The following DNAH1 variants were observed in gnomAD, a reference collection of about 807,000 sequenced individuals.
DNAH1 encodes the protein axonemal beta dynein heavy chain 1.
DNAH1 carries 327 observed loss-of-function variants against 484.3 expected under a neutral mutation model. That is an observed-to-expected ratio of 0.68 (90% CI 0.62 to 0.74). The LOEUF (loss-of-function observed/expected upper bound fraction) is 0.74. Among genes scored for constraint, DNAH1 ranks in the 30% least tolerant of loss-of-function variants. The pLI, the probability that DNAH1 is intolerant of heterozygous loss-of-function variation, is 0.00. For synonymous variants in DNAH1, 2,192 were observed against 2,191.9 expected (o/e 1.00, Z 0.00); for missense variants, 5,052 against 5,546.8 (o/e 0.91, Z 2.83).
At position 52,349,417 on chromosome 3, in the gene DNAH1, T is replaced by C. The variant is rs1264744078; in HGVS notation, c.2523T>C (p.Asp841=). 6.2e-7 allele frequency: 1 copy of C among 1,613,572 alleles called. No individual in the cohort carries two copies. The highest frequency in any genetic ancestry group is 1.3e-5 in the African/African-American group (1 of 75,046). ...CCAAGAACCTGCATAAGGAGGTGGA[T>C]AGCGTAAGTGCCCACCTGCCCCGCC... The part of the protein sequence containing the change: ...ILAKNLHKEV[D]SICEEFRSIS... Residue 841 remains aspartate (D), a synonymous_variant, in exon 14 of 78, where the codon GAT becomes GAC. Coordinates refer to ENST00000420323, the MANE Select transcript of DNAH1 (RefSeq NM_015512.5).
Position 52,352,103 on chromosome 3 carries a change from G to C in DNAH1, c.2871G>C (p.Gln957His). The change falls in exon 17 of 78, where the codon CAG becomes CAC. Residue 957 changes from glutamine to histidine, a missense_variant and splice_region_variant. Coordinates refer to ENST00000420323, the MANE Select transcript of DNAH1 (RefSeq NM_015512.5). ...TCCAAGAGAAGCTGGAAGGGCTGCA[G>C]GTGGGGCACAGCTGCAGGCTTGGTG... is the stretch of plus-strand genomic sequence containing the variant. ...NNFQEKLEGL[Q>H]LVVAGFSIHV... 1 of 1,574,532 alleles carries C rather than the reference G, an allele frequency of 6.4e-7. No homozygotes were observed. Among genetic ancestry groups the C allele is most frequent in the African/African-American group, 1.3e-5 (1 of 74,080 alleles).
At chr3:52,329,532 A>C (rs1365687666) in intron 6 of DNAH1, among the ~76,000 whole-genome samples, 6 of 151,896 alleles carry the variant, frequency 4.0e-5, no homozygotes, top group Admixed American at 3.3e-4. Flanking sequence ...CAAACAAAAC[A>C]AAAAAAACCA....
At chr3:52,370,278 C>T in intron 39 of DNAH1, 49 bp downstream of exon 39, 1 of 1,597,156 alleles carries the variant, frequency 6.3e-7, no homozygotes, top group South Asian at 1.1e-5. Context: ...TCTCCCCACA[C>T]TGCTCTCCTT....
At chr3:52,398,747 A>C in intron 75 of DNAH1, 103 bp from the exon 76 acceptor site, 4 of 1,011,364 alleles carry the variant, frequency 4.0e-6, no homozygotes, top group South Asian at 1.8e-5. Context: ...CTTAGCCTCT[A>C]TGTTTTGCCA....
Position 52,358,098 on chromosome 3 carries a change from A to G in DNAH1, c.4086+95A>G. ...TTGTGATGAGCCCTTTTAGCAGGAA[A>G]TGTGGCAAATGACATTCCTGGTCTT... On this transcript the variant is annotated intron_variant, in intron 24 of 77. Coordinates refer to ENST00000420323, the MANE Select transcript of DNAH1 (RefSeq NM_015512.5). This position sits in a 1 kb window ranked among gnomAD's most constrained non-coding sequence, Gnocchi z 4.2. The G allele has an allele frequency of 2.1e-6, 2 of 970,188 alleles. No individual in the cohort carries two copies. The highest frequency in any genetic ancestry group is 3.0e-6 in the Non-Finnish European group (2 of 666,242). The allele number at this position is 970,188 out of a possible 1,614,324, so 60.1% of individuals were successfully genotyped here.
rs558152441 is a variant in DNAH1 at position 52,316,752 on chromosome 3, C to G, written c.-35+207C>G. 8.5e-5 allele frequency among the ~76,000 whole-genome samples: 13 copies of G among 152,294 alleles called. No individual in the cohort carries two copies. In the South Asian group the frequency reaches 2.1e-3, roughly 24 times the overall value. ...CAGTTCAGTTCCAGACACTTAGTGCCCAGCAACAGGCCTGGCACCAAGCCA... is the reference window on the plus strand; with the variant it reads ...CAGTTCAGTTCCAGACACTTAGTGCGCAGCAACAGGCCTGGCACCAAGCCA... On this transcript the variant is annotated intron_variant, in intron 1 of 77. Coordinates refer to ENST00000420323, the MANE Select transcript of DNAH1 (RefSeq NM_015512.5).
chr3:52,319,146 C>T (rs1701054499), intron 1 of DNAH1, among the ~76,000 whole-genome samples: 2 of 152,188 alleles, frequency 1.3e-5, no homozygotes, highest in Non-Finnish European at 2.9e-5. Flanking sequence ...GCCCTAGTTT[C>T]CTCAGCTGTA....
Position 52,389,536 on chromosome 3 carries a change from C to A in DNAH1, c.9571C>A (p.Pro3191Thr). 1 of 1,575,984 alleles carries A rather than the reference C, an allele frequency of 6.3e-7. No homozygotes were observed. Among genetic ancestry groups the A allele is most frequent in the Non-Finnish European group, 8.6e-7 (1 of 1,161,918 alleles). Reference sequence around the variant, plus strand: ...CCACAATGTCCCACACACCTCCGAGCCCACGCTAATCGGGACGCTGGGGAA... The same window carrying A: ...CCACAATGTCCCACACACCTCCGAGACCACGCTAATCGGGACGCTGGGGAA... Reference protein sequence around the residue: ...RSHNVPHTSEPTLIGTLGNPV... With the variant: ...RSHNVPHTSETTLIGTLGNPV... The change falls in exon 60 of 78, where the codon CCC becomes ACC. Residue 3191 changes from proline (P) to threonine (T), a missense_variant. Pro to Thr is a conservative substitution (Grantham distance 38). This residue lies in a region of DNAH1 where 2,929 missense variants were observed against 3,409.4 expected (regional missense o/e 0.86). Transcript: ENST00000420323.
intron 35 of DNAH1, 27 bp downstream of exon 35, chr3:52,366,575 G>A: frequency 1.3e-6 from 2 of 1,574,450 alleles, no homozygotes; most frequent in East Asian, 2.4e-5. Context: ...TTGGCAGCCA[G>A]TGTCCGGATA....
At chr3:52,312,016 G>A (rs1700784120), upstream of DNAH1, among the ~76,000 whole-genome samples, 1 of 152,218 alleles carries the variant, frequency 6.6e-6, no homozygotes, top group Admixed American at 6.5e-5. Flanking sequence ...TCCCTCCCCA[G>A]GGCAGGCCCT....
In DNAH1 at chr3:52,396,545, C is replaced by G. The variant is rs1415734384; in HGVS notation, c.11430+7C>G. 1 of 1,612,634 alleles carries G rather than the reference C, an allele frequency of 6.2e-7. No homozygotes were observed. Among genetic ancestry groups the G allele is most frequent in the Non-Finnish European group, 8.5e-7 (1 of 1,179,368 alleles). On this transcript the variant is annotated splice_region_variant and intron_variant, in intron 71 of 77. Coordinates refer to ENST00000420323, the MANE Select transcript of DNAH1 (RefSeq NM_015512.5). ...CCTCAACTCCTGCCACAAGGTGAGG[C>G]ACACTTGGTGCAGGCCTACCCTACC...
Position 52,364,828 on chromosome 3 carries a change from T to G in DNAH1, c.5332-5T>G. On this transcript the variant is annotated splice_region_variant and splice_polypyrimidine_tract_variant and intron_variant, in intron 33 of 77. Transcript: ENST00000420323. This position sits in a 1 kb window ranked among gnomAD's most constrained non-coding sequence, Gnocchi z 4.2. ...CCCTGAAGGCTCAGCCGGCACCTGCTGCAGGAGCTGATCTGCCTCCGGGCC... is the reference window on the plus strand; with the variant it reads ...CCCTGAAGGCTCAGCCGGCACCTGCGGCAGGAGCTGATCTGCCTCCGGGCC... The G allele has an allele frequency of 6.2e-7, 1 of 1,612,398 alleles. No homozygotes were observed. Among genetic ancestry groups the G allele is most frequent in the South Asian group, 1.1e-5 (1 of 90,996 alleles).
rs1702621981 is a variant in DNAH1, at chr3:52,356,661, G to A, written c.3741G>A (p.Leu1247=). The change falls in exon 22 of 78, where the codon CTG becomes CTA. Residue 1247 remains leucine, a synonymous_variant. Coordinates refer to ENST00000420323, the MANE Select transcript of DNAH1 (RefSeq NM_015512.5). ...WLNCQRSWLY[L]EPIFSSEDIN... ...ACTGTCAGCGGTCCTGGCTCTACCTGGAGCCCATCTTTAGCTCTGAGGACA... is the reference window on the plus strand; with the variant it reads ...ACTGTCAGCGGTCCTGGCTCTACCTAGAGCCCATCTTTAGCTCTGAGGACA... 1 of 1,613,712 alleles carries A rather than the reference G, an allele frequency of 6.2e-7. No homozygotes were observed. Among genetic ancestry groups the A allele is most frequent in the Non-Finnish European group, 8.5e-7 (1 of 1,179,886 alleles).
intron 20 of DNAH1, among the ~76,000 whole-genome samples, chr3:52,354,349 C>T (rs548632675): frequency 1.3e-5 from 2 of 152,314 alleles, no homozygotes; most frequent in South Asian, 4.1e-4. Context: ...TAACAGTGAA[C>T]TGGGCTGAAC....
Position 52,393,333 on chromosome 3 carries a change from G to T in DNAH1, c.10475-1G>T. 6.2e-7 allele frequency: 1 copy of T among 1,613,882 alleles called. No homozygotes were observed. The highest frequency in any genetic ancestry group is 8.5e-7 in the Non-Finnish European group (1 of 1,179,810). ...GCTGCCATCACTTCTCCACTCCACA[G>T]ACAACCTGAAGAAGCGCATCTCCAA... On this transcript the variant is annotated splice_acceptor_variant, in intron 65 of 77. Coordinates refer to ENST00000420323, the MANE Select transcript of DNAH1 (RefSeq NM_015512.5). LOFTEE classifies it high-confidence loss of function.
At position 52,357,664 on chromosome 3, in the gene DNAH1, C is replaced by T; in HGVS notation, c.3909C>T (p.Cys1303=). ...GAATGCTGGACAGCCTGCGGGACTG[C>T]AACAAGATTCTGGACCTGGTGCAGA... ...DLRMLDSLRD[C]NKILDLVQKG... Residue 1303 remains cysteine (C), a synonymous_variant, in exon 23 of 78, where the codon TGC becomes TGT. Transcript: ENST00000420323. 3 of 1,597,566 alleles carry T rather than the reference C, an allele frequency of 1.9e-6. No individual in the cohort carries two copies. Among genetic ancestry groups the T allele is most frequent in the South Asian group, 1.1e-5 (1 of 88,352 alleles).
rs373957068 is a variant in DNAH1, at chr3:52,329,025, C to T, written c.871+1011C>T. 2.2e-4 allele frequency among the ~76,000 whole-genome samples: 34 copies of T among 152,362 alleles called. No individual in the cohort carries two copies. The East Asian group carries it at 5.6e-3, about 25-fold the overall frequency. On this transcript the variant is annotated intron_variant, in intron 6 of 77. Coordinates refer to ENST00000420323, the MANE Select transcript of DNAH1 (RefSeq NM_015512.5). ...TTTAAAAACATCTTAATGCTAGAAT[C>T]AATTTCTCTGAACTAGACAAGAAGC...
At chr3:52,357,147 T>G (rs1445258255) in intron 22 of DNAH1, among the ~76,000 whole-genome samples, 2 of 151,782 alleles carry the variant, frequency 1.3e-5, no homozygotes, top group African/African-American at 4.8e-5. Context: ...TCCCGGAGGC[T>G]GAGACAGGGT....
Position 52,378,589 on chromosome 3 carries a change from C to T in DNAH1, c.7199-13C>T, listed in dbSNP as rs372033446. The T allele has an allele frequency of 1.6e-5, 26 of 1,612,856 alleles. No individual in the cohort carries two copies. The African/African-American group carries it at 3.2e-4, about 20-fold the overall frequency. On this transcript the variant is annotated splice_polypyrimidine_tract_variant and intron_variant, in intron 46 of 77. Coordinates refer to ENST00000420323, the MANE Select transcript of DNAH1 (RefSeq NM_015512.5). ...CCTGGCATGTGACCCAGGCCATTCTCCTATTCCCCCAGCTGGGGCCCCCCA... is the reference window on the plus strand; with the variant it reads ...CCTGGCATGTGACCCAGGCCATTCTTCTATTCCCCCAGCTGGGGCCCCCCA...
Sources: gnomAD v4.1 joint callset for allele counts (sites outside exome capture counted in the v4.1 genomes callset) on GRCh38, gnomAD v4.1.1 for gene constraint, gnomAD v4.1.1 regional missense constraint, Gnocchi (gnomAD v3.1) non-coding constraint, MANE v1.5 for transcripts, NCBI Gene and HGNC (gene_info 2026-07-23, HGNC 2026-07-21) for gene names.